The following DOCK7 variants were observed in gnomAD, a reference collection of about 807,000 sequenced individuals.
DOCK7 encodes dedicator of cytokinesis protein 7.
DOCK7 carries 138 observed loss-of-function variants against 271.0 expected under a neutral mutation model. That is an observed-to-expected ratio of 0.51 (90% CI 0.44 to 0.59). The LOEUF is 0.59. Ranked by LOEUF, DOCK7 falls within the 20% of genes least tolerant of loss-of-function variation. The pLI, the probability that DOCK7 is intolerant of heterozygous loss-of-function variation, is 0.00. For missense variants in DOCK7, 2,066 were observed against 2,592.4 expected, an observed-to-expected ratio of 0.80 and a Z score of 4.41; for synonymous variants, 823 against 876.1, an observed-to-expected ratio of 0.94 and a Z score of 1.07.
At chr1:62,525,967 T>C (rs1336822295) in intron 31 of DOCK7, among the ~76,000 whole-genome samples, 1 of 152,232 alleles carries the variant, frequency 6.6e-6, no homozygotes, top group Non-Finnish European at 1.5e-5. Context: ...GACAGGGTCT[T>C]GCTCTGTTGT....
At position 62,660,813 on chromosome 1, in the gene DOCK7, ATTAAATCAGCCACGCATGGTG is replaced by A. The variant is rs535790491; in HGVS notation, c.144+2191_144+2211del. 3.2e-3 allele frequency among the ~76,000 whole-genome samples: 486 copies of A among 152,310 alleles called. 3 individuals carry two copies. The highest frequency in any genetic ancestry group is 0.011 in the African/African-American group (471 of 41,564). The stretch of plus-strand genomic sequence containing the variant: ...GAGTACTATTCAGCCTTAAAAATGA[ATTAAATCAGCCACGCATGGTG>A]GCTCACATCTGTAATCCCAACACTT... On this transcript the variant is annotated intron_variant, in intron 2 of 49. Coordinates refer to ENST00000635253, the MANE Select transcript of DOCK7 (RefSeq NM_001367561.1).
chr1:62,551,543 A>C (rs2149419174), intron 22 of DOCK7, among the ~76,000 whole-genome samples: 1 of 152,204 alleles, frequency 6.6e-6, no homozygotes, highest in East Asian at 1.9e-4. Context: ...AGTTTCTTGA[A>C]CTGCCAGGTC....
chr1:62,674,100 A>G (rs1660296603), intron 1 of DOCK7, among the ~76,000 whole-genome samples: 1 of 152,248 alleles, frequency 6.6e-6, no homozygotes, highest in Non-Finnish European at 1.5e-5. Flanking sequence ...AAACAAGTTC[A>G]GCAAGGTTGA....
intron 12 of DOCK7, among the ~76,000 whole-genome samples, chr1:62,620,439 A>T (rs992943621): frequency 2.0e-5 from 3 of 152,046 alleles, no homozygotes; most frequent in South Asian, 4.1e-4. Context: ...AATTAAAATT[A>T]TGATTATAAA....
chr1:62,544,779 T>C (rs376128123), intron 23 of DOCK7, among the ~76,000 whole-genome samples, 168 bp downstream of exon 23: 2 of 152,162 alleles, frequency 1.3e-5, no homozygotes, highest in East Asian at 1.9e-4. Flanking sequence ...ACTGGTGCAA[T>C]TGGTGGTACT....
At chr1:62,572,026 AC>A (rs1287384907) in intron 18 of DOCK7, among the ~76,000 whole-genome samples, 1 of 152,184 alleles carries the variant, frequency 6.6e-6, no homozygotes, top group East Asian at 1.9e-4. Flanking sequence ...TATGTAACAA[AC>A]CTGCACATCC....
At chr1:62,466,649 C>T (rs949067451) in intron 48 of DOCK7, among the ~76,000 whole-genome samples, 3 of 152,086 alleles carry the variant, frequency 2.0e-5, no homozygotes, top group South Asian at 2.1e-4. Context: ...AACAACATCT[C>T]GGCCAGGTAC....
intron 1 of DOCK7, among the ~76,000 whole-genome samples, chr1:62,668,327 G>A (rs1418211357): frequency 6.6e-6 from 1 of 152,110 alleles, no homozygotes; most frequent in South Asian, 2.1e-4. Context: ...AAAGACTTAA[G>A]ACTAAAAGGC....
chr1:62,670,272 C>T (rs1476212160), intron 1 of DOCK7, among the ~76,000 whole-genome samples: 1 of 152,262 alleles, frequency 6.6e-6, no homozygotes, highest in Non-Finnish European at 1.5e-5. Context: ...CTGAGGAATG[C>T]GAGCGCACGG....
chr1:62,595,123 C>T (rs1213863703), intron 14 of DOCK7, among the ~76,000 whole-genome samples: 1 of 152,074 alleles, frequency 6.6e-6, no homozygotes, highest in Admixed American at 6.6e-5. Flanking sequence ...TCATACACAA[C>T]CTAATCAAAA....
chr1:62,486,028 C>T (rs1457069975), intron 43 of DOCK7: 1 of 152,042 alleles, frequency 6.6e-6, no homozygotes, highest in African/African-American at 2.4e-5. Flanking sequence ...TAGTAATAAA[C>T]TGCTCAGAGG....
chr1:62,474,208 T>TA, intron 47 of DOCK7, 120 bp from the exon 48 acceptor site: 1 of 662,926 alleles, frequency 1.5e-6, no homozygotes, highest in East Asian at 2.7e-5. Context: ...AATGCATATA[T>TA]GCCTATGCCT....
intron 14 of DOCK7, among the ~76,000 whole-genome samples, chr1:62,607,381 C>T (rs1040677864): frequency 2.0e-5 from 3 of 152,192 alleles, no homozygotes; most frequent in African/African-American, 7.2e-5. Context: ...TTTCACTCAA[C>T]TTTGTAAACT....
intron 33 of DOCK7, among the ~76,000 whole-genome samples, chr1:62,511,949 T>C (rs1217823492): frequency 6.6e-6 from 1 of 152,084 alleles, no homozygotes; most frequent in African/African-American, 2.4e-5. Flanking sequence ...AGCTTAAATG[T>C]AGAAATGTAA....
chr1:62,505,908 C>T, intron 35 of DOCK7, 92 bp from the exon 36 acceptor site: 2 of 1,210,952 alleles, frequency 1.7e-6, no homozygotes, highest in Non-Finnish European at 1.1e-6. Context: ...TAAAGGCCTC[C>T]CTGTATGTAT....
chr1:62,567,341 T>C (rs953887536), intron 18 of DOCK7, among the ~76,000 whole-genome samples: 2 of 152,172 alleles, frequency 1.3e-5, no homozygotes, highest in East Asian at 3.8e-4. Flanking sequence ...ATGTGGCACA[T>C]ATACACCATG....
intron 2 of DOCK7, among the ~76,000 whole-genome samples, chr1:62,655,718 C>T (rs865976894): frequency 1.3e-5 from 2 of 152,136 alleles, no homozygotes. Context: ...TGAGCCACGG[C>T]GCCCAGCCTG....
chr1:62,592,683 A>G (rs1648630305), intron 14 of DOCK7, among the ~76,000 whole-genome samples: 1 of 152,180 alleles, frequency 6.6e-6, no homozygotes. Flanking sequence ...AAAGACGGCA[A>G]CAGAGATGGC....
In DOCK7 at chr1:62,618,828, G is replaced by A. The variant is rs1197172019; in HGVS notation, c.1560C>T (p.Pro520=). The A allele has an allele frequency of 3.1e-6, 5 of 1,613,774 alleles. No homozygotes were observed. Among genetic ancestry groups the A allele is most frequent in the Non-Finnish European group, 4.2e-6 (5 of 1,179,788 alleles). The part of the protein sequence containing the change: ...KIDISPAPEN[P]HYCLTPELLQ... ...GCAGCTCCGGAGTTAGGCAATAATGGGGATTTTCAGGTGCGGGAGAAATGT... is the reference window on the plus strand; with the variant it reads ...GCAGCTCCGGAGTTAGGCAATAATGAGGATTTTCAGGTGCGGGAGAAATGT... The change falls in exon 14 of 50, where the codon CCC becomes CCT. Residue 520 remains proline (P), a synonymous_variant. Transcript: ENST00000635253.
Sources: gnomAD v4.1 joint callset for allele counts (sites outside exome capture counted in the v4.1 genomes callset) on GRCh38, gnomAD v4.1.1 for gene constraint, MANE v1.5 for transcripts, NCBI Gene and HGNC (gene_info 2026-07-23, HGNC 2026-07-21) for gene names.